Variants in IPMK observed in about 807,000 individuals in gnomAD.
IPMK encodes the protein inositol 1,3,4,6-tetrakisphosphate 5-kinase.
IPMK carries 17 observed loss-of-function variants against 45.8 expected under a neutral mutation model. That is an observed-to-expected ratio of 0.37 (90% CI 0.25 to 0.56). The LOEUF (loss-of-function observed/expected upper bound fraction) is 0.56, where lower values mean the gene tolerates loss of function less well. Among genes scored for constraint, IPMK ranks in the 20% least tolerant of loss-of-function variants. IPMK has a pLI of 0.79. For synonymous variants in IPMK, 180 were observed against 184.3 expected, an observed-to-expected ratio of 0.98 and a Z score of 0.19; for missense variants, 399 against 498.0, an observed-to-expected ratio of 0.80 and a Z score of 1.89.
intron 1 of IPMK, among the ~76,000 whole-genome samples, chr10:58,267,200 C>T (rs1339046881): frequency 6.6e-6 from 1 of 152,234 alleles, no homozygotes. Flanking sequence ...TCCCTGCCAC[C>T]CGTGCTGCAA....
At chr10:58,256,785 T>C (rs1167178615) in intron 1 of IPMK, among the ~76,000 whole-genome samples, 3 of 152,120 alleles carry the variant, frequency 2.0e-5, no homozygotes, top group African/African-American at 7.2e-5. Flanking sequence ...TTAGGGAAAA[T>C]AGATAAGAAC....
At chr10:58,233,004 C>A (rs1212712747) in intron 2 of IPMK, among the ~76,000 whole-genome samples, 1 of 152,130 alleles carries the variant, frequency 6.6e-6, no homozygotes, top group Non-Finnish European at 1.5e-5. Flanking sequence ...CACAACTGAT[C>A]CCACAGAAAT....
chr10:58,233,368 A>G (rs1838556484), intron 2 of IPMK, among the ~76,000 whole-genome samples: 1 of 152,200 alleles, frequency 6.6e-6, no homozygotes, highest in Non-Finnish European at 1.5e-5. Flanking sequence ...GACACAACAA[A>G]AAAAAGGGAA....
At chr10:58,217,688 C>CAAAAAAAAAAAAAAAAAAAAAAAAA (rs11393849) in intron 3 of IPMK, among the ~76,000 whole-genome samples, 1 of 49,266 alleles carries the variant, frequency 2.0e-5, no homozygotes, top group Non-Finnish European at 3.6e-5. Flanking sequence ...AACTCCATCT[C>CAAAAAAAAAAAAAAAAAAAAAAAAA]AAAAAAAAAA....
intron 4 of IPMK, among the ~76,000 whole-genome samples, chr10:58,202,746 T>C (rs934244675): frequency 2.0e-5 from 3 of 152,204 alleles, no homozygotes; most frequent in African/African-American, 7.2e-5. Context: ...CATGGTTTAC[T>C]GAATATTTTC....
intron 3 of IPMK, among the ~76,000 whole-genome samples, chr10:58,220,122 T>A (rs1350156375): frequency 6.6e-6 from 1 of 152,208 alleles, no homozygotes; most frequent in Non-Finnish European, 1.5e-5. Context: ...GGAAATGGAA[T>A]GCAGAGAAAA....
intron 1 of IPMK, among the ~76,000 whole-genome samples, chr10:58,267,129 C>T (rs959159182): frequency 1.3e-5 from 2 of 152,222 alleles, no homozygotes; most frequent in Non-Finnish European, 2.9e-5. Context: ...TTTTCACTAA[C>T]AACGCCGTCT....
intron 4 of IPMK, among the ~76,000 whole-genome samples, chr10:58,209,670 C>T (rs1838128519): frequency 6.6e-6 from 1 of 152,196 alleles, no homozygotes; most frequent in African/African-American, 2.4e-5. Flanking sequence ...GAGGTAGACT[C>T]TGTGAGAATC....
At chr10:58,229,225 C>T (rs1437099372) in intron 2 of IPMK, among the ~76,000 whole-genome samples, 1 of 151,668 alleles carries the variant, frequency 6.6e-6, no homozygotes, top group East Asian at 1.9e-4. Context: ...TTTTTAAATA[C>T]TAGGAAAAGC....
Position 58,225,427 on chromosome 10 carries a change from TATA to T in IPMK, c.373+1613_373+1615del, listed in dbSNP as rs142361515. Among the ~76,000 whole-genome samples the T allele has an allele frequency of 5.2e-3, 799 of 152,252 alleles. 5 individuals are homozygous for T. Among genetic ancestry groups the T allele is most frequent in the African/African-American group, 0.018 (760 of 41,556 alleles). On this transcript the variant is annotated intron_variant, in intron 3 of 5. Transcript: ENST00000373935. ...TATTAGCATAGCTGAACTTCAAGATTATATAGTATTGAAGACCAAAAAGGTTGA... is the reference window on the plus strand; with the variant it reads ...TATTAGCATAGCTGAACTTCAAGATTTAGTATTGAAGACCAAAAAGGTTGA...
At chr10:58,253,176 T>C (rs1838910642) in intron 1 of IPMK, among the ~76,000 whole-genome samples, 1 of 152,212 alleles carries the variant, frequency 6.6e-6, no homozygotes. Context: ...CTGCACAAGC[T>C]GTCTTGCCTG....
At chr10:58,204,034 T>G (rs563681442) in intron 4 of IPMK, among the ~76,000 whole-genome samples, 1 of 149,732 alleles carries the variant, frequency 6.7e-6, no homozygotes, top group Admixed American at 6.6e-5. Context: ...GCAATAAGTA[T>G]TTTTTAATTA....
chr10:58,204,204 A>AT (rs1244434373), intron 4 of IPMK, among the ~76,000 whole-genome samples: 3 of 152,202 alleles, frequency 2.0e-5, no homozygotes, highest in Middle Eastern at 3.2e-3. Flanking sequence ...TCTATAAAAA[A>AT]TAAAAAATAA....
intron 4 of IPMK, among the ~76,000 whole-genome samples, chr10:58,201,795 A>T (rs1564527524): frequency 6.6e-6 from 1 of 152,220 alleles, no homozygotes; most frequent in African/African-American, 2.4e-5. Flanking sequence ...GAATGCAAAG[A>T]AAAAGCTCTT....
At chr10:58,227,285 C>T in intron 2 of IPMK, 146 bp from the exon 3 acceptor site, 4 of 587,996 alleles carry the variant, frequency 6.8e-6, no homozygotes, top group Non-Finnish European at 8.9e-6. Flanking sequence ...AAAAATATTA[C>T]TGTGTGTCTC....
chr10:58,267,340 C>T (rs772345120), intron 1 of IPMK, 82 bp downstream of exon 1: 36 of 1,428,246 alleles, frequency 2.5e-5, no homozygotes, highest in Non-Finnish European at 3.3e-5. Context: ...CAGGCAGGCC[C>T]GAGAGCGCTA....
intron 1 of IPMK, among the ~76,000 whole-genome samples, chr10:58,251,032 T>G (rs557938886): frequency 6.6e-6 from 1 of 152,310 alleles, no homozygotes; most frequent in African/African-American, 2.4e-5. Context: ...TCTATTTAAC[T>G]TCTGCTAATT....
chr10:58,229,004 G>T (rs1016099304), intron 2 of IPMK, among the ~76,000 whole-genome samples: 18 of 152,122 alleles, frequency 1.2e-4, no homozygotes, highest in Non-Finnish European at 2.4e-4. Context: ...CAGGGATGAG[G>T]CAGAGCTGAG....
intron 1 of IPMK, among the ~76,000 whole-genome samples, chr10:58,248,795 C>T (rs1279060119): frequency 1.3e-5 from 2 of 152,168 alleles, no homozygotes; most frequent in African/African-American, 2.4e-5. Flanking sequence ...ATGTGTTATT[C>T]GTCTTTCCAT....
Sources: gnomAD v4.1 joint callset for allele counts (sites outside exome capture counted in the v4.1 genomes callset) on GRCh38, gnomAD v4.1.1 for gene constraint, MANE v1.5 for transcripts, NCBI Gene and HGNC (gene_info 2026-07-23, HGNC 2026-07-21) for gene names.